The following CDC45 variants were observed in gnomAD, a reference collection of about 807,000 sequenced individuals.
CDC45 encodes the protein cell division cycle 45.
In CDC45, 54 loss-of-function variants were observed where a neutral mutation model predicts 77.8. That is an observed-to-expected ratio of 0.69 (90% CI 0.56 to 0.87). CDC45 has a LOEUF of 0.87. Among genes scored for constraint, CDC45 ranks in the 40% least tolerant of loss-of-function variants. CDC45 has a pLI of 0.00. For synonymous variants in CDC45, 260 were observed against 272.1 expected, an observed-to-expected ratio of 0.96 and a Z score of 0.44; for missense variants, 649 against 721.6, an observed-to-expected ratio of 0.90 and a Z score of 1.15.
At chr22:19,508,798 G>A (rs1933355573) in intron 13 of CDC45, 107 bp downstream of exon 13, 1 of 1,021,726 alleles carries the variant, frequency 9.8e-7, no homozygotes, top group Non-Finnish European at 1.4e-6. Context: ...ACTGTGTCCT[G>A]CAGAAACTGC....
intron 15 of CDC45, 63 bp from the exon 16 acceptor site, chr22:19,516,464 G>A (rs1933792824): frequency 2.2e-6 from 3 of 1,361,154 alleles, no homozygotes; most frequent in Non-Finnish European, 3.2e-6. Context: ...GTTGGGCTCT[G>A]GGCTCTGAGT....
At chr22:19,515,100 C>G (rs1933710862) in intron 15 of CDC45, 52 bp downstream of exon 15, 3 of 1,501,922 alleles carry the variant, frequency 2.0e-6, no homozygotes, top group African/African-American at 1.4e-5. Context: ...GCTTGGAGAG[C>G]TCCCTGGATG....
chr22:19,500,420 C>T (rs13447236), intron 9 of CDC45, among the ~76,000 whole-genome samples: 2 of 152,142 alleles, frequency 1.3e-5, no homozygotes, highest in African/African-American at 2.4e-5. Flanking sequence ...GTGCTCTCTG[C>T]CTGCTTCCTC....
intron 5 of CDC45, 85 bp from the exon 6 acceptor site, chr22:19,494,242 C>A (rs1601943094): frequency 1.6e-6 from 2 of 1,251,720 alleles, no homozygotes; most frequent in East Asian, 5.0e-5. Flanking sequence ...CTACTGACTT[C>A]TGCCAAATTG....
rs560153101 is a variant in CDC45 at position 19,517,946 on chromosome 22, G to A, written c.1637-898G>A. On this transcript the variant is annotated intron_variant, in intron 17 of 18. Coordinates refer to ENST00000263201, the MANE Select transcript of CDC45 (RefSeq NM_003504.5). Reference sequence around the variant, plus strand: ...GGATATTTTCTTGCCTCATCACCACGGATTCCTCAACAATGATAGACACTG... The same window carrying A: ...GGATATTTTCTTGCCTCATCACCACAGATTCCTCAACAATGATAGACACTG... Among the ~76,000 whole-genome samples the A allele has an allele frequency of 1.2e-4, 18 of 152,300 alleles. No individual in the cohort carries two copies. In the South Asian group the frequency reaches 3.5e-3, roughly 30 times the overall value.
chr22:19,489,343 A>G (rs1157304647), intron 5 of CDC45, among the ~76,000 whole-genome samples: 1 of 152,028 alleles, frequency 6.6e-6, no homozygotes, highest in Admixed American at 6.6e-5. Context: ...AAAAAAAAAA[A>G]AGATACAGAA....
intron 13 of CDC45, among the ~76,000 whole-genome samples, chr22:19,512,707 TTAACA>T (rs1343677490): frequency 6.6e-6 from 1 of 152,224 alleles, no homozygotes; most frequent in African/African-American, 2.4e-5. Flanking sequence ...CTTTGTAACT[TTAACA>T]TATTTATGTC....
chr22:19,512,942 A>G (rs1933593586), intron 13 of CDC45, among the ~76,000 whole-genome samples: 1 of 152,198 alleles, frequency 6.6e-6, no homozygotes. Context: ...GCAGAAGGGG[A>G]GCTGGTGGGT....
intron 13 of CDC45, among the ~76,000 whole-genome samples, chr22:19,509,643 TTC>T (rs1415987385): frequency 6.6e-6 from 1 of 152,234 alleles, no homozygotes; most frequent in Non-Finnish European, 1.5e-5. Flanking sequence ...CTGTCCCTTA[TTC>T]TCTTTTTTTC....
intron 15 of CDC45, among the ~76,000 whole-genome samples, chr22:19,516,259 A>G (rs1933780318): frequency 6.6e-6 from 1 of 152,070 alleles, no homozygotes; most frequent in South Asian, 2.1e-4. Flanking sequence ...CTGGTAGACA[A>G]GGAGGCTCGG....
chr22:19,499,074 C>A, intron 8 of CDC45, 27 bp from the exon 9 acceptor site: 1 of 1,613,500 alleles, frequency 6.2e-7, no homozygotes, highest in South Asian at 1.1e-5. Flanking sequence ...GGCTATAGGC[C>A]GGCTCCACTG....
At chr22:19,501,978 A>G (rs1227626849) in intron 9 of CDC45, among the ~76,000 whole-genome samples, 1 of 152,074 alleles carries the variant, frequency 6.6e-6, no homozygotes, top group African/African-American at 2.4e-5. Context: ...CAGCTTCCCA[A>G]AGTGCTGGGA....
At chr22:19,518,069 G>A (rs1933898608) in intron 17 of CDC45, among the ~76,000 whole-genome samples, 1 of 152,246 alleles carries the variant, frequency 6.6e-6, no homozygotes, top group Non-Finnish European at 1.5e-5. Flanking sequence ...GTGTGGCATT[G>A]GTTCACCCCG....
At chr22:19,513,005 C>T (rs1330877199) in intron 13 of CDC45, among the ~76,000 whole-genome samples, 2 of 152,154 alleles carry the variant, frequency 1.3e-5, no homozygotes, top group Non-Finnish European at 2.9e-5. Flanking sequence ...AGGTACTAGG[C>T]TCTTTTTAAC....
rs370666496 is a variant in CDC45, at chr22:19,499,290, C to T, written c.704+139C>T. The T allele has an allele frequency of 4.8e-5, 40 of 827,720 alleles. 1 individual carries two copies. The highest frequency in any genetic ancestry group is 4.4e-4 in the South Asian group (29 of 65,714). The allele number at this position is 827,720 out of a possible 1,614,324, so 51.3% of individuals were successfully genotyped here. On this transcript the variant is annotated intron_variant, in intron 9 of 18. Transcript: ENST00000263201. ...TGAGGACTGGCCCTCCTCCTTGGGCCCAAGCATTTGTCACTGAGGAAGGGC... is the reference window on the plus strand; with the variant it reads ...TGAGGACTGGCCCTCCTCCTTGGGCTCAAGCATTTGTCACTGAGGAAGGGC...
intron 5 of CDC45, among the ~76,000 whole-genome samples, chr22:19,492,951 C>T (rs766109066): frequency 6.6e-6 from 1 of 152,172 alleles, no homozygotes; most frequent in Non-Finnish European, 1.5e-5. Flanking sequence ...ATTGGTTCTC[C>T]CACCCAGAGG....
At position 19,516,907 on chromosome 22, in the gene CDC45, G is replaced by T. The variant is rs778488193; in HGVS notation, c.1636+14G>T. 1.9e-6 allele frequency: 3 copies of T among 1,603,860 alleles called. No homozygotes were observed. Among genetic ancestry groups the T allele is most frequent in the Non-Finnish European group, 2.6e-6 (3 of 1,170,798 alleles). ...TTGACCTCTCAGGTGAGAGTCTCCTGCCACTCTGCCACACTTTCCCACCTG... is the reference window on the plus strand; with the variant it reads ...TTGACCTCTCAGGTGAGAGTCTCCTTCCACTCTGCCACACTTTCCCACCTG... On this transcript the variant is annotated intron_variant, in intron 17 of 18. Transcript: ENST00000263201.
chr22:19,497,353 C>T (rs753249014), intron 7 of CDC45, 33 bp from the exon 8 acceptor site: 1 of 1,607,390 alleles, frequency 6.2e-7, no homozygotes, highest in Non-Finnish European at 8.5e-7. Flanking sequence ...CATGCCCCTC[C>T]CATGAGCCTT....
chr22:19,495,105 G>C (rs756398815), intron 6 of CDC45, among the ~76,000 whole-genome samples: 1 of 152,186 alleles, frequency 6.6e-6, no homozygotes, highest in Non-Finnish European at 1.5e-5. Context: ...CATAAGGAAA[G>C]AAAAGTGAAA....
Sources: allele counts gnomAD v4.1 joint callset (sites outside exome capture counted in the v4.1 genomes callset), GRCh38; gene constraint gnomAD v4.1.1; transcripts MANE v1.5; gene names NCBI Gene and HGNC (gene_info 2026-07-23, HGNC 2026-07-21).